STEAP1B: variants seen among roughly 807,000 people sequenced by gnomAD.
STEAP1B encodes STEAP family protein MGC87042.
STEAP1B carries 13 observed loss-of-function variants against 27.9 expected under a neutral mutation model. That is an observed-to-expected ratio of 0.47 (90% CI 0.30 to 0.74). STEAP1B has a LOEUF of 0.74. STEAP1B is among the 30% of genes least tolerant of loss of function. STEAP1B has a pLI of 0.06. For missense variants in STEAP1B, 250 were observed against 298.7 expected, an observed-to-expected ratio of 0.84 and a Z score of 1.20; for synonymous variants, 86 against 107.1, an observed-to-expected ratio of 0.80 and a Z score of 1.22.
chr7:22,460,703 A>C (rs1785663671), intron 4 of STEAP1B, among the ~76,000 whole-genome samples: 1 of 152,160 alleles, frequency 6.6e-6, no homozygotes, highest in South Asian at 2.1e-4. Flanking sequence ...GATGACACTC[A>C]GGGCCTGAGG....
At chr7:22,467,639 A>G (rs886805864) in intron 4 of STEAP1B, among the ~76,000 whole-genome samples, 22 of 151,878 alleles carry the variant, frequency 1.4e-4, no homozygotes, top group Admixed American at 3.3e-4. Flanking sequence ...ATCATTTTAT[A>G]AGGGGAAACC....
At position 22,493,399 on chromosome 7, in the gene STEAP1B, C is replaced by T. The variant is rs1164902745; in HGVS notation, c.522G>A (p.Leu174=). The change falls in exon 3 of 5, where the codon CTG becomes CTA. Residue 174 remains leucine (L), a synonymous_variant. Transcript: ENST00000678116. ...CGTAAGACAGAGTATAAATTGCATG[C>T]AGTACAGCAAAAAACAAACTGAGAA... The part of the protein sequence containing the change: ...FGLLSLFFAV[L]HAIYTLSYAM... 6.2e-7 allele frequency: 1 copy of T among 1,614,010 alleles called. No individual in the cohort carries two copies.
At chr7:22,483,648 T>C (rs1456908259) in intron 4 of STEAP1B, among the ~76,000 whole-genome samples, 1 of 152,232 alleles carries the variant, frequency 6.6e-6, no homozygotes, top group African/African-American at 2.4e-5. Context: ...GTGATGGTGA[T>C]CTGTCATCAG....
chr7:22,449,938 C>T (rs1034863492), intron 4 of STEAP1B, among the ~76,000 whole-genome samples: 7 of 152,106 alleles, frequency 4.6e-5, no homozygotes, highest in African/African-American at 1.4e-4. Flanking sequence ...GCCATTTGTG[C>T]GTCTTTTGAG....
intron 4 of STEAP1B, among the ~76,000 whole-genome samples, chr7:22,436,599 T>C (rs565535585): frequency 8.6e-5 from 13 of 150,788 alleles, no homozygotes; most frequent in South Asian, 6.3e-4. Context: ...CTCGTGTCCA[T>C]GTGTTCTCAT....
chr7:22,422,266 T>G (rs1785053121), intron 4 of STEAP1B, among the ~76,000 whole-genome samples: 1 of 152,210 alleles, frequency 6.6e-6, no homozygotes. Flanking sequence ...TCTGGTTCTA[T>G]TCAATCAGCC....
chr7:22,476,061 A>G (rs971773300), intron 4 of STEAP1B, among the ~76,000 whole-genome samples: 7 of 152,122 alleles, frequency 4.6e-5, no homozygotes, highest in African/African-American at 1.7e-4. Flanking sequence ...GTTTGGAACA[A>G]CACCAACTCA....
chr7:22,484,582 T>C (rs10252093), intron 4 of STEAP1B, among the ~76,000 whole-genome samples: 50,502 of 151,818 alleles, frequency 0.33, 8,385 homozygotes, highest in East Asian at 0.45. Flanking sequence ...TGTTTTGTTT[T>C]TCACACCTGC....
intron 1 of STEAP1B, among the ~76,000 whole-genome samples, chr7:22,498,647 C>T (rs1302490767): frequency 1.3e-5 from 2 of 152,184 alleles, no homozygotes; most frequent in Non-Finnish European, 2.9e-5. Context: ...AGAAGGCAGG[C>T]ATTTCAACTG....
At chr7:22,421,882 T>C (rs1260038980) in intron 4 of STEAP1B, among the ~76,000 whole-genome samples, 2 of 152,204 alleles carry the variant, frequency 1.3e-5, no homozygotes, top group African/African-American at 2.4e-5. Flanking sequence ...TTTCAATGTA[T>C]ACCCCACTTT....
intron 4 of STEAP1B, among the ~76,000 whole-genome samples, chr7:22,489,119 A>G (rs949772964): frequency 6.6e-6 from 1 of 151,926 alleles, no homozygotes; most frequent in Admixed American, 6.5e-5. Context: ...CTCGCCATAG[A>G]GGCAGCATCG....
At position 22,486,139 on chromosome 7, in the gene STEAP1B, G is replaced by A. The variant is rs142011874; in HGVS notation, c.762+6426C>T. ...AATCCCAGGGGCAAGGGCACACATCGTTGCTTTTTGAAGCTCCCCAGGTGA... is the reference window on the plus strand; with the variant it reads ...AATCCCAGGGGCAAGGGCACACATCATTGCTTTTTGAAGCTCCCCAGGTGA... On this transcript the variant is annotated intron_variant, in intron 4 of 4. Coordinates refer to ENST00000678116, the MANE Select transcript of STEAP1B (RefSeq NM_001382447.1). Among the ~76,000 whole-genome samples the A allele has an allele frequency of 9.8e-4, 148 of 151,148 alleles. No homozygotes were observed. In the East Asian group the frequency reaches 0.012, roughly 12 times the overall value.
intron 4 of STEAP1B, among the ~76,000 whole-genome samples, chr7:22,477,584 G>A (rs1785993790): frequency 6.6e-6 from 1 of 152,182 alleles, no homozygotes; most frequent in African/African-American, 2.4e-5. Flanking sequence ...TCTGCAAATG[G>A]AAGCGTATTA....
At chr7:22,458,873 GCTAA>G (rs1785632411) in intron 4 of STEAP1B, among the ~76,000 whole-genome samples, 1 of 151,542 alleles carries the variant, frequency 6.6e-6, no homozygotes, top group African/African-American at 2.4e-5. Context: ...GGTGTGGTAC[GCTAA>G]CTTTTTTTTT....
intron 1 of STEAP1B, among the ~76,000 whole-genome samples, chr7:22,497,352 T>C (rs986159286): frequency 1.6e-4 from 25 of 152,188 alleles, no homozygotes; most frequent in African/African-American, 6.0e-4. Context: ...AAAGCCAACA[T>C]GGAAGCAGAA....
At chr7:22,437,711 A>G (rs1042518430) in intron 4 of STEAP1B, among the ~76,000 whole-genome samples, 1 of 152,184 alleles carries the variant, frequency 6.6e-6, no homozygotes, top group South Asian at 2.1e-4. Context: ...ATTAATTTAC[A>G]TTTCCATCAA....
rs1375126363 is a variant in STEAP1B, at chr7:22,425,984, C to T, written c.763-6148G>A. Reference sequence around the variant, plus strand: ...CTGTTATGTTGCTACAGTTGTTTTTCTTCTTTTTTGTCCTTTCTGCCCAGA... The same window carrying T: ...CTGTTATGTTGCTACAGTTGTTTTTTTTCTTTTTTGTCCTTTCTGCCCAGA... On this transcript the variant is annotated intron_variant, in intron 4 of 4. Transcript: ENST00000678116. 4.6e-5 allele frequency among the ~76,000 whole-genome samples: 7 copies of T among 152,030 alleles called. 1 individual carries two copies. Among genetic ancestry groups the T allele is most frequent in the Non-Finnish European group, 1.0e-4 (7 of 67,994 alleles).
chr7:22,426,031 A>T (rs1021206169), intron 4 of STEAP1B, among the ~76,000 whole-genome samples: 1 of 152,188 alleles, frequency 6.6e-6, no homozygotes, highest in Non-Finnish European at 1.5e-5. Context: ...GACTAGGAAC[A>T]TCTGTACCAT....
At chr7:22,435,552 G>A (rs961450298) in intron 4 of STEAP1B, among the ~76,000 whole-genome samples, 1 of 152,064 alleles carries the variant, frequency 6.6e-6, no homozygotes, top group Non-Finnish European at 1.5e-5. Flanking sequence ...GCACCAAGGG[G>A]GGTGGTTATT....
Sources: gnomAD v4.1 joint callset for allele counts (sites outside exome capture counted in the v4.1 genomes callset) on GRCh38, gnomAD v4.1.1 for gene constraint, MANE v1.5 for transcripts, NCBI Gene and HGNC (gene_info 2026-07-23, HGNC 2026-07-21) for gene names.